The following UGGT1 variants were observed in gnomAD, a reference collection of about 807,000 sequenced individuals.
The protein encoded by UGGT1 is UDP-glucose:glycoprotein glucosyltransferase 1.
Under a neutral mutation model 203.9 loss-of-function variants are expected in UGGT1, and 107 were observed. The observed-to-expected ratio is 0.52, with a 90% CI of 0.45 to 0.62. The LOEUF is 0.62. UGGT1 is among the 20% of genes least tolerant of loss of function. The probability of loss-of-function intolerance (pLI) is 0.00; values close to 1 mark genes in which losing one functional copy is unlikely to be tolerated. For synonymous variants in UGGT1, 628 were observed against 653.5 expected (o/e 0.96, Z 0.59); for missense variants, 1,673 against 1,867.2 (o/e 0.90, Z 1.92).
chr2:128,173,849 C>T lies in UGGT1; in HGVS notation c.3363C>T (p.Ile1121=). The T allele has an allele frequency of 6.2e-7, 1 of 1,614,184 alleles. No individual in the cohort carries two copies. Among genetic ancestry groups the T allele is most frequent in the Non-Finnish European group, 8.5e-7 (1 of 1,180,024 alleles). Residue 1121 remains isoleucine, a synonymous_variant, in exon 30 of 41, where the codon ATC becomes ATT. Transcript: ENST00000259253. ...TACTGGAAGGTCATTGCTACGACAT[C>T]ACCACAGGCCAGCCTCCACGGGGAC... The part of the protein sequence containing the change: ...YLLLEGHCYD[I]TTGQPPRGLQ...
chr2:128,110,353 C>T (rs1224754488), intron 5 of UGGT1, among the ~76,000 whole-genome samples: 1 of 152,176 alleles, frequency 6.6e-6, no homozygotes, highest in African/African-American at 2.4e-5. Context: ...CCGGCCCTCT[C>T]AGTACTGCTA....
At chr2:128,162,002 T>C (rs560119159) in intron 25 of UGGT1, among the ~76,000 whole-genome samples, 2 of 152,298 alleles carry the variant, frequency 1.3e-5, no homozygotes, top group Non-Finnish European at 2.9e-5. Flanking sequence ...TTTCTCCACA[T>C]CCTCACAACA....
rs1309033904 is a variant in UGGT1, at chr2:128,118,106, A to G, written c.872+1763A>G. Among the ~76,000 whole-genome samples the G allele has an allele frequency of 2.0e-5, 3 of 152,248 alleles. No homozygotes were observed. In the East Asian group the frequency reaches 5.8e-4, roughly 29 times the overall value. On this transcript the variant is annotated intron_variant, in intron 8 of 40. Transcript: ENST00000259253. ...CTTTGAGATTTGGCCAAGTGAAATA[A>G]CCAGATTAACAATTTAGAAGAGATA...
rs770640950 is a variant in UGGT1 at position 128,143,249 on chromosome 2, T to C, written c.1851+24T>C. ...AGGTAAAAAATTTCTTTGTGTTTCT[T>C]ATTTGATTGCAACATTGTACTGTCC... is the stretch of plus-strand genomic sequence containing the variant. On this transcript the variant is annotated intron_variant, in intron 17 of 40. Transcript: ENST00000259253. 7.4e-6 allele frequency: 12 copies of C among 1,611,492 alleles called. No individual in the cohort carries two copies. In the South Asian group the frequency reaches 1.1e-4, roughly 15 times the overall value.
At chr2:128,135,022 T>A (rs766745662) in intron 15 of UGGT1, 61 bp downstream of exon 15, 183 of 1,408,896 alleles carry the variant, frequency 1.3e-4, no homozygotes, top group Non-Finnish European at 1.8e-4. Flanking sequence ...TTGTCATTTT[T>A]AAATGCAAGT....
chr2:128,153,143 G>C (rs1690059173), intron 19 of UGGT1, among the ~76,000 whole-genome samples: 1 of 152,056 alleles, frequency 6.6e-6, no homozygotes, highest in Non-Finnish European at 1.5e-5. Context: ...TGTGAACTTT[G>C]AAAAATATTT....
At chr2:128,182,909 C>CTTTTTTTTTTTTT (rs372722115) in intron 37 of UGGT1, among the ~76,000 whole-genome samples, 1 of 114,240 alleles carries the variant, frequency 8.8e-6, no homozygotes. Flanking sequence ...TGTAACTTGG[C>CTTTTTTTTTTTTT]TTTTTTTTTT....
intron 2 of UGGT1, among the ~76,000 whole-genome samples, chr2:128,098,448 C>T (rs1438676216): frequency 1.3e-5 from 2 of 152,178 alleles, no homozygotes; most frequent in Non-Finnish European, 2.9e-5. Flanking sequence ...GCAGCTCAAT[C>T]TTTCTTTTTA....
intron 2 of UGGT1, among the ~76,000 whole-genome samples, chr2:128,100,314 C>T (rs1243644592): frequency 7.9e-5 from 12 of 152,216 alleles, no homozygotes; most frequent in Non-Finnish European, 1.8e-4. Context: ...GCTGGGATTA[C>T]AGGCGTGAGC....
At chr2:128,104,060 T>A (rs1275809467) in intron 3 of UGGT1, 46 bp downstream of exon 3, 1 of 1,450,528 alleles carries the variant, frequency 6.9e-7, no homozygotes. Context: ...TCTGGGAAAA[T>A]ATTAGGAAAA....
chr2:128,124,345 C>A (rs1016896710), intron 11 of UGGT1, among the ~76,000 whole-genome samples: 1 of 152,158 alleles, frequency 6.6e-6, no homozygotes, highest in Non-Finnish European at 1.5e-5. Context: ...AAGGCATCGC[C>A]TCTTGGAATT....
intron 29 of UGGT1, among the ~76,000 whole-genome samples, chr2:128,173,255 T>A (rs895564818): frequency 6.6e-6 from 1 of 152,258 alleles, no homozygotes; most frequent in African/African-American, 2.4e-5. Context: ...TATGGACATA[T>A]CACGTTTCAT....
chr2:128,165,503 G>A (rs900854050), intron 26 of UGGT1, among the ~76,000 whole-genome samples: 6 of 152,160 alleles, frequency 3.9e-5, no homozygotes, highest in African/African-American at 1.4e-4. Context: ...TTTGAGACCA[G>A]CCTGGCCAAC....
At chr2:128,136,288 T>A (rs558004612) in intron 15 of UGGT1, among the ~76,000 whole-genome samples, 2 of 152,262 alleles carry the variant, frequency 1.3e-5, no homozygotes. Context: ...AAATGTATGA[T>A]GTAAAGTATT....
At chr2:128,176,342 G>C (rs1014265989) in intron 31 of UGGT1, among the ~76,000 whole-genome samples, 1 of 151,144 alleles carries the variant, frequency 6.6e-6, no homozygotes, top group African/African-American at 2.4e-5. Flanking sequence ...AACCCCGGAG[G>C]TGGAGGTTGC....
chr2:128,176,283 G>T (rs1037056146), intron 31 of UGGT1, among the ~76,000 whole-genome samples: 7 of 151,990 alleles, frequency 4.6e-5, no homozygotes, highest in African/African-American at 1.7e-4. Context: ...CGTGGTGGTG[G>T]GTGCCTGTAA....
At chr2:128,179,311 T>C (rs959261077) in intron 34 of UGGT1, among the ~76,000 whole-genome samples, 1 of 152,370 alleles carries the variant, frequency 6.6e-6, no homozygotes, top group Middle Eastern at 3.4e-3. Context: ...TTTTGTTTTC[T>C]GAGTAAGGAG....
intron 20 of UGGT1, 114 bp from the exon 21 acceptor site, chr2:128,156,278 G>A (rs944712003): frequency 7.5e-6 from 6 of 797,056 alleles, no homozygotes; most frequent in African/African-American, 3.5e-5. Context: ...GGACTAAGCA[G>A]CAGGAAGAAC....
intron 11 of UGGT1, among the ~76,000 whole-genome samples, chr2:128,126,684 C>CTTTT (rs61353741): frequency 0.13 from 15,729 of 119,596 alleles, 1,620 homozygotes; most frequent in Non-Finnish European, 0.16. Context: ...CAGGGTCAGT[C>CTTTT]TTTTTTTTTT....
Sources: allele counts gnomAD v4.1 joint callset (sites outside exome capture counted in the v4.1 genomes callset), GRCh38; gene constraint gnomAD v4.1.1; transcripts MANE v1.5; gene names NCBI Gene and HGNC (gene_info 2026-07-23, HGNC 2026-07-21).